The following ANKRD24 variants were observed in gnomAD, a reference collection of about 807,000 sequenced individuals.
The protein encoded by ANKRD24 is ankyrin repeat domain-containing protein 24.
A neutral mutation model predicts 127.8 loss-of-function variants in ANKRD24; 109 were observed. That is an observed-to-expected ratio of 0.85 (90% CI 0.73 to 1.00). ANKRD24 has a LOEUF of 1.00. Ranked by LOEUF, ANKRD24 falls within the 50% of genes least tolerant of loss-of-function variation. The pLI, the probability that ANKRD24 is intolerant of heterozygous loss-of-function variation, is 0.00. For missense variants in ANKRD24, 1,648 were observed against 1,570.2 expected (o/e 1.05, Z -0.84); for synonymous variants, 743 against 671.1 (o/e 1.11, Z -1.66).
rs1051238847 is a variant in ANKRD24 at position 4,198,840 on chromosome 19, G to A, written c.37-843G>A. On this transcript the variant is annotated intron_variant, in intron 2 of 21. Transcript: ENST00000318934. The surrounding 1 kb of genome is among the most constrained non-coding windows in gnomAD (Gnocchi z 6.1). The stretch of plus-strand genomic sequence containing the variant: ...TGGAGACAGATGGGGTCATTGAGGG[G>A]ACAACTTGGAAGCTATTTTGGGAGA... Among the ~76,000 whole-genome samples the A allele has an allele frequency of 6.6e-6, 1 of 152,208 alleles. No individual in the cohort carries two copies. Among genetic ancestry groups the A allele is most frequent in the Non-Finnish European group, 1.5e-5 (1 of 68,050 alleles).
chr19:4,210,057 G>A lies in ANKRD24; in HGVS notation c.871-1G>A. ...TCACTCTCTCTCCCCTCCCTTCCCA[G>A]AACTCTATGTCCAGCCATGGAAAGC... On this transcript the variant is annotated splice_acceptor_variant, in intron 11 of 21. Coordinates refer to ENST00000318934, the MANE Select transcript of ANKRD24 (RefSeq NM_001393985.1). LOFTEE classifies it high-confidence loss of function. 6.2e-7 allele frequency: 1 copy of A among 1,609,516 alleles called. No homozygotes were observed. Among genetic ancestry groups the A allele is most frequent in the Non-Finnish European group, 8.5e-7 (1 of 1,177,890 alleles).
chr19:4,189,107 G>A (rs1345526925), intron 2 of ANKRD24, among the ~76,000 whole-genome samples: 3 of 152,048 alleles, frequency 2.0e-5, no homozygotes, highest in South Asian at 2.1e-4. Flanking sequence ...ACTGCACTCC[G>A]CCCATTTTAT....
Position 4,212,485 on chromosome 19 carries a change from C to A in ANKRD24, c.1070C>A (p.Ala357Asp). The A allele has an allele frequency of 6.4e-7, 1 of 1,574,736 alleles. No homozygotes were observed. ...TGTTTCTCCCGTCAGTCCCCGGAGG[C>A]CAGCTCCCTGCACATCCTGGAGAGA... ...KERRQQESPE[A>D]SSLHILERQV... is the part of the protein sequence containing the mutation. Residue 357 changes from alanine (A) to aspartate (D), a missense_variant, in exon 14 of 22, where the codon GCC becomes GAC. Transcript: ENST00000318934.
At chr19:4,197,594 C>T (rs150307955) in intron 2 of ANKRD24, among the ~76,000 whole-genome samples, 22 of 151,594 alleles carry the variant, frequency 1.5e-4, no homozygotes, top group African/African-American at 5.1e-4. Flanking sequence ...ATGGGTGAGA[C>T]CAATGAATGA....
chr19:4,223,658 G>C (rs528368551), intron 20 of ANKRD24, among the ~76,000 whole-genome samples: 1 of 151,914 alleles, frequency 6.6e-6, no homozygotes, highest in South Asian at 2.1e-4. Context: ...TCCGCCTCCC[G>C]GGTTCAAGCG....
Position 4,202,196 on chromosome 19 carries a change from C to T in ANKRD24, c.408+106C>T, listed in dbSNP as rs1161161784. ...TCTATGAATCCTAGATATTCCTTGG[C>T]CCCTTTTACTCCAGAACCCTAGCTA... On this transcript the variant is annotated intron_variant, in intron 6 of 21. Coordinates refer to ENST00000318934, the MANE Select transcript of ANKRD24 (RefSeq NM_001393985.1). The T allele has an allele frequency of 3.7e-6, 4 of 1,067,898 alleles. No homozygotes were observed. In the Admixed American group the frequency reaches 5.5e-5, roughly 15 times the overall value. 66.2% of individuals were successfully genotyped at this position (1,067,898 alleles called of 1,614,324 possible).
chr19:4,186,149 G>A, intron 1 of ANKRD24: 1 of 835,626 alleles, frequency 1.2e-6, no homozygotes, highest in Non-Finnish European at 1.7e-6. Flanking sequence ...AACTGACCAT[G>A]AGTTGGTCAA....
At chr19:4,219,240 T>A (rs1209419350) in intron 18 of ANKRD24, among the ~76,000 whole-genome samples, 3 of 151,558 alleles carry the variant, frequency 2.0e-5, no homozygotes, top group African/African-American at 2.4e-5. Context: ...GAGCTGAGAT[T>A]ACACCACTGC....
intron 1 of ANKRD24, 37 bp from the exon 2 acceptor site, chr19:4,186,353 G>A: frequency 6.4e-7 from 1 of 1,552,524 alleles, no homozygotes; most frequent in African/African-American, 1.4e-5. Flanking sequence ...ACCAGGACTG[G>A]TGTCCCTCAC....
chr19:4,216,468 C>T (rs1160589366), intron 17 of ANKRD24, 66 bp downstream of exon 17: 2 of 1,555,432 alleles, frequency 1.3e-6, no homozygotes, highest in Non-Finnish European at 1.7e-6. Flanking sequence ...TCAGGGTGGG[C>T]AGGGAAGGTG....
chr19:4,204,441 G>A (rs982530658), intron 7 of ANKRD24, among the ~76,000 whole-genome samples: 1 of 152,102 alleles, frequency 6.6e-6, no homozygotes, highest in Non-Finnish European at 1.5e-5. Flanking sequence ...TGACCTCAAG[G>A]AGCAGTCGAA....
At position 4,194,950 on chromosome 19, in the gene ANKRD24, A is replaced by T. The variant is rs547865343; in HGVS notation, c.37-4733A>T. The stretch of plus-strand genomic sequence containing the variant: ...ATGGTACACACCTCAGTGGGCTCCG[A>T]GGGGCATTTGCTCTGATTGATTGAT... On this transcript the variant is annotated intron_variant, in intron 2 of 21. Coordinates refer to ENST00000318934, the MANE Select transcript of ANKRD24 (RefSeq NM_001393985.1). 3.3e-5 allele frequency among the ~76,000 whole-genome samples: 5 copies of T among 151,320 alleles called. No individual in the cohort carries two copies. The East Asian group carries it at 7.8e-4, about 23-fold the overall frequency.
intron 5 of ANKRD24, 41 bp from the exon 6 acceptor site, chr19:4,201,985 T>G (rs769563753): frequency 8.8e-6 from 14 of 1,584,012 alleles, no homozygotes; most frequent in Middle Eastern, 1.7e-4. Flanking sequence ...GGGAGCTACT[T>G]GAATAGCTGG....
rs909336415 is a variant in ANKRD24 at position 4,195,036 on chromosome 19, C to G, written c.37-4647C>G. ...AGGCTGGAGTGCAGTGGTGCGATCTCGGCGTGAGCCACCGCGCCCAGGTTT... is the reference window on the plus strand; with the variant it reads ...AGGCTGGAGTGCAGTGGTGCGATCTGGGCGTGAGCCACCGCGCCCAGGTTT... On this transcript the variant is annotated intron_variant, in intron 2 of 21. Transcript: ENST00000318934. The surrounding 1 kb of genome is among the most constrained non-coding windows in gnomAD (Gnocchi z 4.2). Among the ~76,000 whole-genome samples the G allele has an allele frequency of 1.4e-5, 2 of 148,028 alleles. No individual in the cohort carries two copies. Among genetic ancestry groups the G allele is most frequent in the Non-Finnish European group, 3.0e-5 (2 of 67,280 alleles).
At chr19:4,186,542 C>G in intron 2 of ANKRD24, 81 bp downstream of exon 2, 2 of 1,475,570 alleles carry the variant, frequency 1.4e-6, no homozygotes, top group Non-Finnish European at 1.9e-6. Context: ...AAGATCCACC[C>G]TTTCATTCCA....
chr19:4,219,848 T>G, intron 19 of ANKRD24, 90 bp downstream of exon 19: 2 of 1,377,612 alleles, frequency 1.5e-6, no homozygotes, highest in East Asian at 4.9e-5. Flanking sequence ...TGCAAGGGCC[T>G]TGGAAAATCA....
In ANKRD24 at chr19:4,210,282, TGAG is replaced by T. The variant is rs765183082; in HGVS notation, c.973_975del (p.Glu325del). 5.0e-6 allele frequency: 8 copies of T among 1,587,728 alleles called. No individual in the cohort carries two copies. In the Admixed American group the frequency reaches 5.4e-5, roughly 11 times the overall value. On this transcript the variant is annotated inframe_deletion, in exon 13 of 22. Coordinates refer to ENST00000318934, the MANE Select transcript of ANKRD24 (RefSeq NM_001393985.1). ...GGGAACAGGATGATCGAGATGCCTA[TGAG>T]GAGATCGTGAGGCTGCGGCAGGAGA...
intron 2 of ANKRD24, among the ~76,000 whole-genome samples, chr19:4,190,909 T>C (rs186478606): frequency 1.3e-5 from 2 of 152,320 alleles, no homozygotes; most frequent in East Asian, 3.9e-4. Context: ...ATATTTAATA[T>C]TTAAGTAAAT....
At position 4,218,147 on chromosome 19, in the gene ANKRD24, G is replaced by A; in HGVS notation, c.2987G>A (p.Ser996Asn). 1 of 1,515,140 alleles carries A rather than the reference G, an allele frequency of 6.6e-7. No individual in the cohort carries two copies. Among genetic ancestry groups the A allele is most frequent in the Non-Finnish European group, 8.8e-7 (1 of 1,131,378 alleles). 93.9% of individuals were successfully genotyped at this position (1,515,140 alleles called of 1,614,324 possible). The change falls in exon 18 of 22, where the codon AGC becomes AAC. Residue 996 changes from serine to asparagine, a missense_variant. By Grantham distance (46) the Ser-to-Asn change is conservative (BLOSUM62 1). Coordinates refer to ENST00000318934, the MANE Select transcript of ANKRD24 (RefSeq NM_001393985.1). ...CTGGGACGGCGGCATGAGAAGACCA[G>A]CGCAGAGGTCTTCCAGGTGAGCAGG... ...EELGRRHEKT[S>N]AEVFQVQREA...
Sources: allele counts gnomAD v4.1 joint callset (sites outside exome capture counted in the v4.1 genomes callset), GRCh38; gene constraint gnomAD v4.1.1; non-coding constraint Gnocchi (gnomAD v3.1); transcripts MANE v1.5; gene names NCBI Gene and HGNC (gene_info 2026-07-23, HGNC 2026-07-21).